CSMD1: variants seen among roughly 807,000 people sequenced by gnomAD.
The protein encoded by CSMD1 is CUB and Sushi multiple domains 1.
CSMD1 carries 213 observed loss-of-function variants against 417.5 expected under a neutral mutation model. The ratio of observed to expected loss-of-function variants is 0.51; its 90% CI spans 0.46 to 0.57. The LOEUF (loss-of-function observed/expected upper bound fraction) is 0.57, where lower values mean the gene tolerates loss of function less well. Among genes scored for constraint, CSMD1 ranks in the 20% least tolerant of loss-of-function variants. The pLI, the probability that CSMD1 is intolerant of heterozygous loss-of-function variation, is 0.00. For missense variants in CSMD1, 6,923 were observed against 4,529.7 expected, an observed-to-expected ratio of 1.53 and a Z score of -15.17; for synonymous variants, 2,862 against 1,736.8, an observed-to-expected ratio of 1.65 and a Z score of -16.11.
intron 7 of CSMD1, among the ~76,000 whole-genome samples, chr8:3,621,977 T>TG (rs1796264630): frequency 8.0e-6 from 1 of 124,732 alleles, no homozygotes. Flanking sequence ...CTCTCTCTCT[T>TG]TGTGTGTGTG....
intron 10 of CSMD1, among the ~76,000 whole-genome samples, chr8:3,570,154 C>T (rs963899910): frequency 6.6e-6 from 1 of 152,130 alleles, no homozygotes; most frequent in Non-Finnish European, 1.5e-5. Context: ...AATCAAAGAA[C>T]ATACATCATG....
intron 3 of CSMD1, among the ~76,000 whole-genome samples, chr8:4,067,944 G>A (rs950244077): frequency 1.3e-5 from 2 of 152,130 alleles, no homozygotes; most frequent in African/African-American, 2.4e-5. Flanking sequence ...GGGCATGGTG[G>A]TGCGCTCCTG....
intron 59 of CSMD1, among the ~76,000 whole-genome samples, chr8:2,963,781 G>A (rs949393966): frequency 6.6e-6 from 1 of 152,150 alleles, no homozygotes; most frequent in African/African-American, 2.4e-5. Flanking sequence ...CAGATGGTAA[G>A]AATTTTTCTG....
At chr8:3,677,470 C>T (rs995694850) in intron 7 of CSMD1, among the ~76,000 whole-genome samples, 1 of 152,178 alleles carries the variant, frequency 6.6e-6, no homozygotes, top group Non-Finnish European at 1.5e-5. Context: ...GGTGAATGCA[C>T]AGATCTGAGC....
chr8:4,002,750 G>C (rs1053033314), intron 4 of CSMD1, among the ~76,000 whole-genome samples: 9 of 152,230 alleles, frequency 5.9e-5, no homozygotes, highest in East Asian at 5.8e-4. Flanking sequence ...TGAGTGAAGA[G>C]ACATTATTTA....
chr8:3,904,017 C>A (rs1363819775), intron 5 of CSMD1, among the ~76,000 whole-genome samples: 1 of 151,224 alleles, frequency 6.6e-6, no homozygotes, highest in Non-Finnish European at 1.5e-5. Flanking sequence ...ATCTGCCTAT[C>A]TAGGTGGGTC....
intron 10 of CSMD1, among the ~76,000 whole-genome samples, chr8:3,531,767 G>C (rs1423806450): frequency 6.6e-6 from 1 of 152,244 alleles, no homozygotes; most frequent in South Asian, 2.1e-4. Context: ...CAGCCTGGAA[G>C]ATCGGGCTGC....
At chr8:3,262,287 C>T (rs535630239) in intron 26 of CSMD1, among the ~76,000 whole-genome samples, 24 of 142,990 alleles carry the variant, frequency 1.7e-4, no homozygotes, top group Non-Finnish European at 2.3e-4. Flanking sequence ...CAATAAGCGT[C>T]ACAGAAGTCA....
At chr8:3,166,607 C>T (rs527683837) in intron 37 of CSMD1, among the ~76,000 whole-genome samples, 14 of 152,160 alleles carry the variant, frequency 9.2e-5, no homozygotes, top group Admixed American at 3.3e-4. Context: ...TTTAGAAGAA[C>T]GATGTTTGCA....
chr8:4,400,089 C>G (rs753236288), intron 3 of CSMD1, among the ~76,000 whole-genome samples: 2 of 151,992 alleles, frequency 1.3e-5, no homozygotes, highest in Non-Finnish European at 2.9e-5. Flanking sequence ...GATCTAAATA[C>G]GAGTACATTA....
chr8:4,293,108 G>C (rs772552833), intron 3 of CSMD1, among the ~76,000 whole-genome samples: 5 of 152,090 alleles, frequency 3.3e-5, no homozygotes, highest in Admixed American at 6.6e-5. Context: ...CAGCAGGAGG[G>C]GGCTACCAGC....
At chr8:4,746,532 T>A (rs938150919) in intron 1 of CSMD1, among the ~76,000 whole-genome samples, 17 of 152,226 alleles carry the variant, frequency 1.1e-4, no homozygotes, top group Admixed American at 2.6e-4. Context: ...CTGTTTTACA[T>A]GATCAGTGAA....
intron 3 of CSMD1, among the ~76,000 whole-genome samples, chr8:4,166,362 T>C (rs1797455562): frequency 6.6e-6 from 1 of 152,204 alleles, no homozygotes; most frequent in Non-Finnish European, 1.5e-5. Context: ...CTACAGCACA[T>C]GTTATTTGGA....
At position 3,803,646 on chromosome 8, in the gene CSMD1, A is replaced by G. The variant is rs531320457; in HGVS notation, c.819-49604T>C. The stretch of plus-strand genomic sequence containing the variant: ...GAACATTTGAGCCTGGAAGGAGAGG[A>G]GGGTTCATAGAGGCCAGAGTGGCAC... On this transcript the variant is annotated intron_variant, in intron 5 of 69. Coordinates refer to ENST00000635120, the MANE Select transcript of CSMD1 (RefSeq NM_033225.6). Among the ~76,000 whole-genome samples, 6 of 152,224 alleles carry G rather than the reference A, an allele frequency of 3.9e-5. No individual in the cohort carries two copies. The South Asian group carries it at 1.2e-3, about 32-fold the overall frequency.
intron 3 of CSMD1, among the ~76,000 whole-genome samples, chr8:4,227,352 G>T (rs1041877351): frequency 1.3e-5 from 2 of 152,078 alleles, no homozygotes; most frequent in Non-Finnish European, 2.9e-5. Flanking sequence ...CTAATAAGAG[G>T]TCTATTGTCT....
At chr8:3,337,143 G>C (rs751530745) in intron 23 of CSMD1, among the ~76,000 whole-genome samples, 5 of 152,028 alleles carry the variant, frequency 3.3e-5, no homozygotes, top group Non-Finnish European at 7.4e-5. Flanking sequence ...AGACTGAAAA[G>C]GGTTCAGTAC....
chr8:4,803,321 C>A (rs1798409673), intron 1 of CSMD1, among the ~76,000 whole-genome samples: 1 of 152,100 alleles, frequency 6.6e-6, no homozygotes. Flanking sequence ...GTGAAGAATT[C>A]ATGGAAATAA....
Position 4,656,469 on chromosome 8 carries a change from T to A in CSMD1, c.86-18911A>T, listed in dbSNP as rs78830204. On this transcript the variant is annotated intron_variant, in intron 1 of 69. Coordinates refer to ENST00000635120, the MANE Select transcript of CSMD1 (RefSeq NM_033225.6). ...GCTTAAAGCACTTAACCTTTGCTGATAAGAACATTTACGGACCATTTCATA... is the reference window on the plus strand; with the variant it reads ...GCTTAAAGCACTTAACCTTTGCTGAAAAGAACATTTACGGACCATTTCATA... 1.0e-2 allele frequency among the ~76,000 whole-genome samples: 1,515 copies of A among 152,184 alleles called. 37 individuals are homozygous for A. The highest frequency in any genetic ancestry group is 0.033 in the African/African-American group (1,386 of 41,468).
chr8:3,271,756 T>C (rs905729141), intron 26 of CSMD1, among the ~76,000 whole-genome samples: 4 of 152,274 alleles, frequency 2.6e-5, no homozygotes, highest in East Asian at 1.9e-4. Context: ...TCATGTCCTT[T>C]GCCCACTTTT....
Sources: allele counts gnomAD v4.1 joint callset (sites outside exome capture counted in the v4.1 genomes callset), GRCh38; gene constraint gnomAD v4.1.1; transcripts MANE v1.5; gene names NCBI Gene and HGNC (gene_info 2026-07-23, HGNC 2026-07-21).